The following ZNF367 variants were observed in gnomAD, a reference collection of about 807,000 sequenced individuals.
ZNF367 encodes the protein zinc finger protein 367.
Under a neutral mutation model 31.8 loss-of-function variants are expected in ZNF367, and 11 were observed. The ratio of observed to expected loss-of-function variants is 0.35; its 90% confidence interval spans 0.22 to 0.57. ZNF367 has a LOEUF of 0.57. Ranked by LOEUF, ZNF367 falls within the 20% of genes least tolerant of loss-of-function variation. The pLI, the probability that ZNF367 is intolerant of heterozygous loss-of-function variation, is 0.85. For missense variants in ZNF367, 353 were observed against 484.1 expected (o/e 0.73, Z 2.54); for synonymous variants, 199 against 202.4 (o/e 0.98, Z 0.14).
In ZNF367 at chr9:96,398,233, G is replaced by A. The variant is rs1317301988; in HGVS notation, c.502C>T (p.Arg168Cys). 5 of 1,613,326 alleles carry A rather than the reference G, an allele frequency of 3.1e-6. No homozygotes were observed. Among genetic ancestry groups the A allele is most frequent in the Non-Finnish European group, 4.2e-6 (5 of 1,179,770 alleles). The stretch of plus-strand genomic sequence containing the variant: ...AACACCCTATTACAGATGTTACAAC[G>A]GATTCTGCTGGATGAATGCTCTCCT... ...NEGEHSSSRI[R>C]CNICNRVFPR... The change falls in exon 2 of 5, where the codon CGT becomes TGT. Residue 168 changes from arginine (R) to cysteine (C), a missense_variant. Coordinates refer to ENST00000375256, the MANE Select transcript of ZNF367 (RefSeq NM_153695.4).
In ZNF367 at chr9:96,418,080, G is replaced by C; in HGVS notation, c.-48C>G. 7.5e-7 allele frequency: 1 copy of C among 1,334,088 alleles called. No individual in the cohort carries two copies. The highest frequency in any genetic ancestry group is 1.9e-5 in the South Asian group (1 of 53,918). The allele number at this position is 1,334,088 out of a possible 1,614,324, so 82.6% of individuals were successfully genotyped here. A position where few individuals can be genotyped will look rare whatever the true frequency, so the allele number is the denominator to read the frequency against. ...CGGCGGCCCCGGGCCGCACTCCTGA[G>C]CACCGCTCTGCCCCTCACTCGCTCT... On this transcript the variant is annotated 5_prime_UTR_variant, in exon 1 of 5. Transcript: ENST00000375256.
chr9:96,391,825 C>A lies in ZNF367; in HGVS notation c.830+573G>T, dbSNP rs76348738. On this transcript the variant is annotated intron_variant, in intron 4 of 4. Coordinates refer to ENST00000375256, the MANE Select transcript of ZNF367 (RefSeq NM_153695.4). The stretch of plus-strand genomic sequence containing the variant: ...TCACTCTGTCACCCAGGCTGGAGTA[C>A]AAGAGTGCAGTGGGGCCATCTTGGC... 1.9e-3 allele frequency among the ~76,000 whole-genome samples: 282 copies of A among 152,258 alleles called. 5 individuals carry two copies. The South Asian group carries it at 0.042, about 23-fold the overall frequency.
intron 1 of ZNF367, among the ~76,000 whole-genome samples, chr9:96,412,697 C>CTTTTTTTTTTTTTT (rs71368258): frequency 7.5e-6 from 1 of 133,800 alleles, no homozygotes; most frequent in Non-Finnish European, 1.6e-5. Context: ...TTTTTCTTTT[C>CTTTTTTTTTTTTTT]TTTTTTTTTT....
At chr9:96,389,287 G>A (rs1431309738) in intron 4 of ZNF367, among the ~76,000 whole-genome samples, 3 of 146,936 alleles carry the variant, frequency 2.0e-5, no homozygotes, top group African/African-American at 5.2e-5. Flanking sequence ...GTGACAGAGC[G>A]AGACTCCGTT....
chr9:96,406,519 C>T (rs570793530), intron 1 of ZNF367, among the ~76,000 whole-genome samples: 1 of 152,286 alleles, frequency 6.6e-6, no homozygotes, highest in South Asian at 2.1e-4. Flanking sequence ...TGTACACTTA[C>T]TACTTTTATT....
Position 96,418,086 on chromosome 9 carries a change from C to T in ZNF367, c.-54G>A. Reference sequence around the variant, plus strand: ...CCCCGGGCCGCACTCCTGAGCACCGCTCTGCCCCTCACTCGCTCTGCTCCG... The same window carrying T: ...CCCCGGGCCGCACTCCTGAGCACCGTTCTGCCCCTCACTCGCTCTGCTCCG... On this transcript the variant is annotated 5_prime_UTR_variant, in exon 1 of 5. Transcript: ENST00000375256. 2.3e-6 allele frequency: 3 copies of T among 1,321,252 alleles called. No individual in the cohort carries two copies. Among genetic ancestry groups the T allele is most frequent in the Non-Finnish European group, 2.9e-6 (3 of 1,037,352 alleles). The allele number at this position is 1,321,252 out of a possible 1,614,324, so 81.8% of individuals were successfully genotyped here. A position where few individuals can be genotyped will look rare whatever the true frequency, so the allele number is the denominator to read the frequency against.
chr9:96,394,790 G>A, intron 3 of ZNF367, 33 bp downstream of exon 3: 5 of 1,603,054 alleles, frequency 3.1e-6, no homozygotes, highest in Non-Finnish European at 4.3e-6. Flanking sequence ...GTCACAACTA[G>A]TTATTCCATA....
rs113581172 is a variant in ZNF367 at position 96,407,909 on chromosome 9, G to A, written c.421-9595C>T. 386 of 375,268 alleles carry A rather than the reference G, an allele frequency of 1.0e-3. 1 individual carries two copies. Among genetic ancestry groups the A allele is most frequent in the African/African-American group, 7.4e-3 (355 of 47,898 alleles). 23.2% of individuals were successfully genotyped at this position (375,268 alleles called of 1,614,324 possible). A position where few individuals can be genotyped will look rare whatever the true frequency, so the allele number is the denominator to read the frequency against. ...GCATGAGCCACCGCGCCCGGCCAAC[G>A]TGAGTAATTTTTAATAGATTAAAAT... On this transcript the variant is annotated intron_variant, in intron 1 of 4. Coordinates refer to ENST00000375256, the MANE Select transcript of ZNF367 (RefSeq NM_153695.4).
At chr9:96,392,344 A>G (rs759825229) in intron 4 of ZNF367, 54 bp downstream of exon 4, 2 of 1,612,810 alleles carry the variant, frequency 1.2e-6, no homozygotes, top group Non-Finnish European at 1.7e-6. Flanking sequence ...TCCCTGACAT[A>G]GCCCCAGCCC....
At position 96,388,141 on chromosome 9, in the gene ZNF367, A is replaced by G; in HGVS notation, c.*96T>C. 1 of 1,226,590 alleles carries G rather than the reference A, an allele frequency of 8.2e-7. No homozygotes were observed. The allele number at this position is 1,226,590 out of a possible 1,614,324, so 76.0% of individuals were successfully genotyped here. On this transcript the variant is annotated 3_prime_UTR_variant, in exon 5 of 5. Transcript: ENST00000375256. Reference sequence around the variant, plus strand: ...ATAAATTTCTACAGAATAGCAGCCTATGATAAGCAAATAAGGTGCTTAGCT... The same window carrying G: ...ATAAATTTCTACAGAATAGCAGCCTGTGATAAGCAAATAAGGTGCTTAGCT...
rs1831429069 is a variant in ZNF367 at position 96,388,323 on chromosome 9, G to A, written c.967C>T (p.Arg323Trp). ...EDDEKRGAQR[R>W]LQEQRERLHG... ...AGGCGCTCCCGCTGCTCCTGCAGCC[G>A]GCGCTGGGCCCCTCTCTTCTCGTCG... Residue 323 changes from arginine to tryptophan, a missense_variant, in exon 5 of 5, where the codon CGG (arginine) becomes TGG (tryptophan). By Grantham distance (101) the Arg-to-Trp change is moderately radical. Around this residue, in one of 5 missense-constraint regions of ZNF367, gnomAD observed 101 missense variants for 140.0 expected, o/e 0.72. Coordinates refer to ENST00000375256, the MANE Select transcript of ZNF367 (RefSeq NM_153695.4). 5 of 1,612,484 alleles carry A rather than the reference G, an allele frequency of 3.1e-6. No individual in the cohort carries two copies. The highest frequency in any genetic ancestry group is 1.1e-5 in the South Asian group (1 of 91,010).
intron 2 of ZNF367, 24 bp downstream of exon 2, chr9:96,398,140 C>T: frequency 1.6e-6 from 1 of 613,848 alleles, no homozygotes; most frequent in Non-Finnish European, 2.6e-6. Context: ...TTCTGGCAGT[C>T]TCTATAAAAT....
At chr9:96,392,180 G>A in intron 4 of ZNF367, 1 of 626,648 alleles carries the variant, frequency 1.6e-6, no homozygotes, top group East Asian at 2.9e-5. Context: ...ACTGTAGTCT[G>A]GGCACTCTAA....
Position 96,417,876 on chromosome 9 carries a change from GCGGCTC to G in ZNF367, c.151_156del (p.Glu51_Pro52del). 6.6e-7 allele frequency: 1 copy of G among 1,517,162 alleles called. No homozygotes were observed. The highest frequency in any genetic ancestry group is 8.8e-7 in the Non-Finnish European group (1 of 1,141,640). 94.0% of individuals were successfully genotyped at this position (1,517,162 alleles called of 1,614,324 possible). A position where few individuals can be genotyped will look rare whatever the true frequency, so the allele number is the denominator to read the frequency against. On this transcript the variant is annotated inframe_deletion, in exon 1 of 5. Coordinates refer to ENST00000375256, the MANE Select transcript of ZNF367 (RefSeq NM_153695.4). This position sits in a 1 kb window ranked among gnomAD's most constrained non-coding sequence, Gnocchi z 5.0. Reference sequence around the variant, plus strand: ...GGGCTGGTGGGGATGAGCGGCGGCGGCGGCTCCGGCTCCCCTCCACCGCCGCACGTT... The same window carrying G: ...GGGCTGGTGGGGATGAGCGGCGGCGGCGGCTCCCCTCCACCGCCGCACGTT...
At chr9:96,403,436 T>TACAGCCACAATGCAATCTC (rs2131077293) in intron 1 of ZNF367, among the ~76,000 whole-genome samples, 1 of 152,236 alleles carries the variant, frequency 6.6e-6, no homozygotes, top group East Asian at 1.9e-4. Flanking sequence ...AAAGCAATCT[T>TACAGCCACAATGCAATCTC]ACAGCCACAA....
chr9:96,396,725 A>G lies in ZNF367; in HGVS notation c.571+1439T>C, dbSNP rs551035114. ...TTCTTGTTGCCCAGGCTGGAGTGCA[A>G]TGTCACATCTTGGCTCACCGCAACC... On this transcript the variant is annotated intron_variant, in intron 2 of 4. Coordinates refer to ENST00000375256, the MANE Select transcript of ZNF367 (RefSeq NM_153695.4). 1.8e-4 allele frequency among the ~76,000 whole-genome samples: 27 copies of G among 151,926 alleles called. No individual in the cohort carries two copies. In the East Asian group the frequency reaches 4.3e-3, roughly 24 times the overall value.
intron 1 of ZNF367, among the ~76,000 whole-genome samples, chr9:96,414,116 A>T (rs1831786458): frequency 6.6e-6 from 1 of 152,230 alleles, no homozygotes; most frequent in African/African-American, 2.4e-5. Context: ...TGTACTGACC[A>T]CAAATCAAAC....
At chr9:96,406,200 G>GA (rs536583208) in intron 1 of ZNF367, among the ~76,000 whole-genome samples, 2 of 151,864 alleles carry the variant, frequency 1.3e-5, no homozygotes, top group African/African-American at 2.4e-5. Context: ...CAAGTTACAT[G>GA]AAAAAAAATC....
At chr9:96,397,315 C>CTT (rs933178213) in intron 2 of ZNF367, among the ~76,000 whole-genome samples, 20 of 145,828 alleles carry the variant, frequency 1.4e-4, no homozygotes, top group African/African-American at 4.7e-4. Context: ...GCCCTCTATA[C>CTT]TTTTTTTTTT....
Sources: gnomAD v4.1 joint callset for allele counts (sites outside exome capture counted in the v4.1 genomes callset) on GRCh38, gnomAD v4.1.1 for gene constraint, gnomAD v4.1.1 regional missense constraint, Gnocchi (gnomAD v3.1) non-coding constraint, MANE v1.5 for transcripts, NCBI Gene and HGNC (gene_info 2026-07-23, HGNC 2026-07-21) for gene names.